CCDC88C: variants seen among roughly 807,000 people sequenced by gnomAD.
CCDC88C encodes protein Daple.
Under a neutral mutation model 198.8 loss-of-function variants are expected in CCDC88C, and 131 were observed. The observed-to-expected ratio is 0.66, with a 90% CI of 0.57 to 0.76. CCDC88C has a LOEUF of 0.76. Among genes scored for constraint, CCDC88C ranks in the 30% least tolerant of loss-of-function variants. The probability of loss-of-function intolerance (pLI) is 0.00; values close to 1 mark genes in which losing one functional copy is unlikely to be tolerated. For missense variants in CCDC88C, 2,553 were observed against 2,631.6 expected (o/e 0.97, Z 0.65); for synonymous variants, 1,166 against 1,114.7 (o/e 1.05, Z -0.92).
intron 4 of CCDC88C, among the ~76,000 whole-genome samples, chr14:91,353,756 T>C (rs923051409): frequency 2.0e-5 from 3 of 152,122 alleles, no homozygotes; most frequent in Non-Finnish European, 4.4e-5. Context: ...GTAACCATCA[T>C]AAGAGAGAGA....
chr14:91,291,693 G>T (rs925741393), intron 23 of CCDC88C, among the ~76,000 whole-genome samples: 1 of 152,148 alleles, frequency 6.6e-6, no homozygotes, highest in East Asian at 1.9e-4. Context: ...TGCCACAGGG[G>T]AATGAACCAG....
chr14:91,293,907 A>G (rs1274421158), intron 23 of CCDC88C, among the ~76,000 whole-genome samples: 1 of 152,214 alleles, frequency 6.6e-6, no homozygotes, highest in African/African-American at 2.4e-5. Flanking sequence ...TTTCAAGTGA[A>G]TTTAATTCTA....
chr14:91,361,390 G>A lies in CCDC88C; in HGVS notation c.271-1679C>T, dbSNP rs747560263. 1.3e-4 allele frequency among the ~76,000 whole-genome samples: 20 copies of A among 152,314 alleles called. No homozygotes were observed. The South Asian group carries it at 1.5e-3, about 11-fold the overall frequency. ...TACACAACCCACATGGCCCGAGTGC[G>A]TATCTCAGACCATCTCTGAGTCAGA... On this transcript the variant is annotated intron_variant, in intron 3 of 29. Coordinates refer to ENST00000389857, the MANE Select transcript of CCDC88C (RefSeq NM_001080414.4).
chr14:91,304,338 T>C (rs1051594869), intron 19 of CCDC88C, among the ~76,000 whole-genome samples: 2 of 152,172 alleles, frequency 1.3e-5, no homozygotes, highest in African/African-American at 4.8e-5. Context: ...ATCCCAGGAC[T>C]TCAGGAAGCA....
At chr14:91,311,750 T>C (rs1202467271) in intron 15 of CCDC88C, among the ~76,000 whole-genome samples, 1 of 152,132 alleles carries the variant, frequency 6.6e-6, no homozygotes, top group African/African-American at 2.4e-5. Context: ...CACACAACAC[T>C]TACCAGGGTA....
chr14:91,307,365 G>A, intron 17 of CCDC88C, 139 bp from the exon 18 acceptor site: 1 of 665,796 alleles, frequency 1.5e-6, no homozygotes, highest in Non-Finnish European at 2.5e-6. Flanking sequence ...TAAGCCAGAC[G>A]CGCTCCTTTT....
At position 91,314,053 on chromosome 14, in the gene CCDC88C, A is replaced by C; in HGVS notation, c.1763T>G (p.Val588Gly). The C allele has an allele frequency of 1.9e-6, 3 of 1,612,714 alleles. No individual in the cohort carries two copies. The highest frequency in any genetic ancestry group is 2.5e-6 in the Non-Finnish European group (3 of 1,179,564). Residue 588 changes from valine to glycine, a missense_variant, in exon 15 of 30, where the codon GTG becomes GGG. This residue lies in a region of CCDC88C where 1,260 missense variants were observed against 1,412.0 expected (regional missense o/e 0.89). Coordinates refer to ENST00000389857, the MANE Select transcript of CCDC88C (RefSeq NM_001080414.4). ...QVSSEARMKDVEKENKALHQT... is the reference protein window; with the variant it reads ...QVSSEARMKDGEKENKALHQT... Reference sequence around the variant, plus strand: ...GTGGAGGGCTTTGTTCTCCTTCTCCACGTCTTTCATGCGGGCCTCACTGCT... The same window carrying C: ...GTGGAGGGCTTTGTTCTCCTTCTCCCCGTCTTTCATGCGGGCCTCACTGCT...
intron 4 of CCDC88C, among the ~76,000 whole-genome samples, chr14:91,356,382 G>A (rs765903976): frequency 7.9e-5 from 12 of 152,146 alleles, no homozygotes; most frequent in Non-Finnish European, 1.0e-4. Flanking sequence ...AGCGAGGCCC[G>A]GGGCCCTCTG....
chr14:91,295,031 C>A (rs1020332689), intron 22 of CCDC88C, among the ~76,000 whole-genome samples: 2 of 152,042 alleles, frequency 1.3e-5, no homozygotes, highest in African/African-American at 4.8e-5. Flanking sequence ...GATTCCAATA[C>A]GCGACTATGA....
intron 3 of CCDC88C, among the ~76,000 whole-genome samples, chr14:91,368,241 C>G (rs17127279): frequency 6.6e-6 from 1 of 152,148 alleles, no homozygotes; most frequent in Non-Finnish European, 1.5e-5. Flanking sequence ...GGTTTCTCTG[C>G]TAATTCCTGT....
chr14:91,302,038 G>A (rs1403658820), intron 20 of CCDC88C, among the ~76,000 whole-genome samples: 1 of 152,238 alleles, frequency 6.6e-6, no homozygotes, highest in African/African-American at 2.4e-5. Context: ...AGCCCCTGAA[G>A]GATGGAGATC....
intron 3 of CCDC88C, chr14:91,384,642 G>A (rs1885145): frequency 0.32 from 121,397 of 383,778 alleles, 20,011 homozygotes; most frequent in Middle Eastern, 0.38. Flanking sequence ...GGGAGGAAAG[G>A]GTGGCCAGCC....
intron 10 of CCDC88C, among the ~76,000 whole-genome samples, chr14:91,327,345 C>T (rs1267766421): frequency 2.0e-5 from 3 of 152,216 alleles, no homozygotes; most frequent in Admixed American, 6.5e-5. Context: ...GCCTGGCAGG[C>T]GGTGAGGGGC....
At chr14:91,323,825 C>G (rs1003525415) in intron 12 of CCDC88C, among the ~76,000 whole-genome samples, 1 of 152,258 alleles carries the variant, frequency 6.6e-6, no homozygotes, top group African/African-American at 2.4e-5. Flanking sequence ...CCTTGTGCAG[C>G]CCTCAGGCCC....
chr14:91,332,575 C>G (rs998890606), intron 10 of CCDC88C, among the ~76,000 whole-genome samples: 4 of 152,220 alleles, frequency 2.6e-5, no homozygotes, highest in Non-Finnish European at 5.9e-5. Context: ...GTGATGCACA[C>G]CAATGTGCTT....
intron 13 of CCDC88C, among the ~76,000 whole-genome samples, chr14:91,320,403 C>A (rs532719387): frequency 7.2e-5 from 11 of 152,356 alleles, no homozygotes; most frequent in South Asian, 4.1e-4. Context: ...TGGAGGGGCA[C>A]CCGCAGAGGA....
chr14:91,411,953 AC>A (rs1288842575), intron 2 of CCDC88C, among the ~76,000 whole-genome samples: 1 of 142,916 alleles, frequency 7.0e-6, no homozygotes, highest in African/African-American at 2.7e-5. Context: ...ACAGAGTGAG[AC>A]TCCATCTCAA....
rs201391511 is a variant in CCDC88C, at chr14:91,281,483, A to G, written c.4673T>C (p.Phe1558Ser). ...DDNLCEPSLE[F>S]EVPNHRQYVS... Reference sequence around the variant, plus strand: ...GTACTGCCTGTGGTTGGGGACCTCAAACTCCAGGGATGGCTCACAGAGGTT... The same window carrying G: ...GTACTGCCTGTGGTTGGGGACCTCAGACTCCAGGGATGGCTCACAGAGGTT... Residue 1558 changes from phenylalanine (F) to serine (S), a missense_variant, in exon 27 of 30, where the codon TTT becomes TCT. Transcript: ENST00000389857. 4.0e-4 allele frequency: 653 copies of G among 1,613,770 alleles called. No individual in the cohort carries two copies. The highest frequency in any genetic ancestry group is 4.7e-4 in the Non-Finnish European group (557 of 1,179,848).
chr14:91,404,955 A>C (rs1187328986), intron 3 of CCDC88C, among the ~76,000 whole-genome samples: 2 of 143,640 alleles, frequency 1.4e-5, no homozygotes, highest in African/African-American at 2.5e-5. Context: ...ACAGAGCGAG[A>C]CTCCATCTCA....
Sources: allele counts gnomAD v4.1 joint callset (sites outside exome capture counted in the v4.1 genomes callset), GRCh38; gene constraint gnomAD v4.1.1; regional missense constraint gnomAD v4.1.1; transcripts MANE v1.5; gene names NCBI Gene and HGNC (gene_info 2026-07-23, HGNC 2026-07-21).